Variants in CACNA1D observed in about 807,000 individuals in gnomAD.
CACNA1D encodes the protein voltage-dependent L-type calcium channel subunit alpha-1D.
CACNA1D carries 55 observed loss-of-function variants against 257.1 expected under a neutral mutation model. The observed-to-expected ratio is 0.21, with a 90% CI of 0.17 to 0.27. The LOEUF (loss-of-function observed/expected upper bound fraction) is 0.27. Ranked by LOEUF, CACNA1D falls within the 10% of genes least tolerant of loss-of-function variation. The pLI, the probability that CACNA1D is intolerant of heterozygous loss-of-function variation, is 1.00. For missense variants in CACNA1D, 1,876 were observed against 2,784.0 expected, an observed-to-expected ratio of 0.67 and a Z score of 7.34; for synonymous variants, 980 against 1,014.9, an observed-to-expected ratio of 0.97 and a Z score of 0.65.
In CACNA1D at chr3:53,495,226, C is replaced by A. The variant is rs201981216; in HGVS notation, c.60C>A (p.His20Gln). ...MQHQRQQQAD[H>Q]ANEANYARGT... ...ATCAACGGCAGCAGCAAGCGGACCACGCGAACGGTGAGCAGCCAGAGCCCG... is the reference window on the plus strand; with the variant it reads ...ATCAACGGCAGCAGCAAGCGGACCAAGCGAACGGTGAGCAGCCAGAGCCCG... Residue 20 changes from histidine (H) to glutamine (Q), a missense_variant, in exon 1 of 48, where the codon CAC becomes CAA. His to Gln is a conservative substitution (Grantham distance 24, BLOSUM62 0). Transcript: ENST00000350061. The surrounding 1 kb of genome is among the most constrained non-coding windows in gnomAD (Gnocchi z 5.1). 6.2e-6 allele frequency: 10 copies of A among 1,613,754 alleles called. No homozygotes were observed. The highest frequency in any genetic ancestry group is 2.2e-5 in the East Asian group (1 of 44,852).
At chr3:53,743,444 G>A (rs1315560443) in intron 22 of CACNA1D, among the ~76,000 whole-genome samples, 2 of 152,234 alleles carry the variant, frequency 1.3e-5, no homozygotes. Context: ...AGGGCCTTGA[G>A]GGCATCCTCT....
At chr3:53,551,209 A>G (rs1355758384) in intron 3 of CACNA1D, among the ~76,000 whole-genome samples, 3 of 152,216 alleles carry the variant, frequency 2.0e-5, no homozygotes, top group Non-Finnish European at 4.4e-5. Context: ...CTCTCTGTTT[A>G]GTGCTAATGT....
At chr3:53,717,512 G>A (rs753817583) in intron 9 of CACNA1D, among the ~76,000 whole-genome samples, 2 of 152,196 alleles carry the variant, frequency 1.3e-5, no homozygotes, top group South Asian at 2.1e-4. Flanking sequence ...ACTAGTGGGC[G>A]TGTTTCCACA....
At chr3:53,508,681 C>T (rs77867897) in intron 3 of CACNA1D, among the ~76,000 whole-genome samples, 2,629 of 152,154 alleles carry the variant, frequency 0.017, 81 homozygotes, top group African/African-American at 0.06. Context: ...TTTAACCTTC[C>T]TCATTGGTGT....
chr3:53,693,915 T>C (rs1448023485), intron 8 of CACNA1D, among the ~76,000 whole-genome samples: 1 of 152,240 alleles, frequency 6.6e-6, no homozygotes, highest in African/African-American at 2.4e-5. Context: ...ACAGATAGCA[T>C]TGCAACACAA....
At chr3:53,674,166 A>G in intron 8 of CACNA1D, 2 of 409,266 alleles carry the variant, frequency 4.9e-6, no homozygotes, top group Non-Finnish European at 9.2e-6. Flanking sequence ...GTCTATTAGT[A>G]CATAACTCCT....
intron 3 of CACNA1D, among the ~76,000 whole-genome samples, chr3:53,620,873 G>T (rs2093689489): frequency 6.6e-6 from 1 of 152,210 alleles, no homozygotes; most frequent in African/African-American, 2.4e-5. Flanking sequence ...AGACCTGGGG[G>T]AAACAGAGAG....
In CACNA1D at chr3:53,529,821, TTATC is replaced by T. The variant is rs138751852; in HGVS notation, c.483+28107_483+28110del. Among the ~76,000 whole-genome samples, 935 of 152,328 alleles carry T rather than the reference TTATC, an allele frequency of 6.1e-3. 11 individuals are homozygous for T. Among genetic ancestry groups the T allele is most frequent in the African/African-American group, 0.022 (897 of 41,568 alleles). Reference sequence around the variant, plus strand: ...TTTCTTTTATCACTGAGAGAATGAATTATCTATCTGATTGCCACTCATAATTTAT... The same window carrying T: ...TTTCTTTTATCACTGAGAGAATGAATTATCTGATTGCCACTCATAATTTAT... On this transcript the variant is annotated intron_variant, in intron 3 of 47. Transcript: ENST00000350061.
chr3:53,720,674 G>T (rs2094873763), intron 11 of CACNA1D, among the ~76,000 whole-genome samples: 2 of 152,184 alleles, frequency 1.3e-5, no homozygotes, highest in African/African-American at 4.8e-5. Flanking sequence ...TTACAAAAAT[G>T]CACATTAAAA....
At chr3:53,788,822 G>C (rs1189240673) in intron 40 of CACNA1D, among the ~76,000 whole-genome samples, 1 of 152,174 alleles carries the variant, frequency 6.6e-6, no homozygotes, top group Non-Finnish European at 1.5e-5. Flanking sequence ...CAGCAGGTTA[G>C]CTAGGTACCA....
intron 3 of CACNA1D, among the ~76,000 whole-genome samples, chr3:53,520,988 TTTTC>T (rs1163408689): frequency 2.0e-5 from 3 of 151,460 alleles, no homozygotes; most frequent in South Asian, 2.1e-4. Flanking sequence ...TTTCTTTTCC[TTTTC>T]TTTCTTTCTT....
At chr3:53,547,835 G>T (rs527363679) in intron 3 of CACNA1D, among the ~76,000 whole-genome samples, 1 of 152,344 alleles carries the variant, frequency 6.6e-6, no homozygotes, top group South Asian at 2.1e-4. Flanking sequence ...AACTGGGAAT[G>T]ACAAGGCTAT....
At chr3:53,692,458 A>G (rs142219649) in intron 8 of CACNA1D, among the ~76,000 whole-genome samples, 391 of 152,252 alleles carry the variant, frequency 2.6e-3, no homozygotes, top group African/African-American at 8.6e-3. Flanking sequence ...TAGGATGTCT[A>G]GAGTACACAG....
intron 3 of CACNA1D, among the ~76,000 whole-genome samples, chr3:53,642,511 G>A (rs2093969080): frequency 1.3e-5 from 2 of 152,214 alleles, no homozygotes; most frequent in Admixed American, 1.3e-4. Context: ...GAGTTTTGCT[G>A]GGTGGCAAGG....
chr3:53,747,350 C>T lies in CACNA1D; in HGVS notation c.3216C>T (p.Val1072=). 6.2e-7 allele frequency: 1 copy of T among 1,613,916 alleles called. No homozygotes were observed. The highest frequency in any genetic ancestry group is 8.5e-7 in the Non-Finnish European group (1 of 1,179,752). Residue 1072 remains valine, a synonymous_variant, in exon 26 of 48, where the codon GTC becomes GTT. Coordinates refer to ENST00000350061, the MANE Select transcript of CACNA1D (RefSeq NM_001128840.3). ...ATGGGGATGTTGACAGTCCTGTGGT[C>T]CGTGAACGGATCTGGCAAAACAGTG... ...YKDGDVDSPV[V]RERIWQNSDF...
intron 15 of CACNA1D, among the ~76,000 whole-genome samples, chr3:53,729,779 G>A (rs1211045931): frequency 6.6e-6 from 1 of 152,204 alleles, no homozygotes. Flanking sequence ...ATCAAGTTCA[G>A]GTACAGTGAT....
At chr3:53,703,045 A>G (rs1338797125) in intron 9 of CACNA1D, among the ~76,000 whole-genome samples, 1 of 152,226 alleles carries the variant, frequency 6.6e-6, no homozygotes, top group Non-Finnish European at 1.5e-5. Context: ...CTTTATAGCC[A>G]AGGAAGGTCA....
chr3:53,809,022 G>C (rs77214327), intron 46 of CACNA1D: 1 of 527,844 alleles, frequency 1.9e-6, no homozygotes, highest in Non-Finnish European at 3.4e-6. Context: ...TCACTGCCCA[G>C]GTGCCTCCCT....
chr3:53,740,168 T>G (rs1576518046), intron 20 of CACNA1D, 112 bp from the exon 21 acceptor site: 57 of 832,616 alleles, frequency 6.8e-5, no homozygotes, highest in Non-Finnish European at 4.2e-6. Flanking sequence ...AATGGCAGGG[T>G]TTTCCTGGAG....
Sources: allele counts gnomAD v4.1 joint callset (sites outside exome capture counted in the v4.1 genomes callset), GRCh38; gene constraint gnomAD v4.1.1; non-coding constraint Gnocchi (gnomAD v3.1); transcripts MANE v1.5; gene names NCBI Gene and HGNC (gene_info 2026-07-23, HGNC 2026-07-21).